Variants in SLC35A3 observed in about 807,000 individuals in gnomAD.
SLC35A3 encodes the protein UDP-N-acetylglucosamine transporter.
Under a neutral mutation model 39.0 loss-of-function variants are expected in SLC35A3, and 26 were observed. That is an observed-to-expected ratio of 0.67 (90% CI 0.49 to 0.92). SLC35A3 has a LOEUF of 0.92. SLC35A3 is among the 40% of genes least tolerant of loss of function. The pLI, the probability that SLC35A3 is intolerant of heterozygous loss-of-function variation, is 0.00. For missense variants in SLC35A3, 299 were observed against 371.6 expected (o/e 0.80, Z 1.61); for synonymous variants, 135 against 133.1 (o/e 1.01, Z -0.10).
At chr1:100,000,006 A>G (rs1330502302) in intron 3 of SLC35A3, among the ~76,000 whole-genome samples, 2 of 152,170 alleles carry the variant, frequency 1.3e-5, no homozygotes, top group Non-Finnish European at 2.9e-5. Flanking sequence ...TTGAGTTCAT[A>G]TCTTAGCTAT....
chr1:100,010,495 C>A (rs1557840751), intron 4 of SLC35A3, among the ~76,000 whole-genome samples: 1 of 152,012 alleles, frequency 6.6e-6, no homozygotes, highest in East Asian at 1.9e-4. Flanking sequence ...GAGTTTGAGA[C>A]CATCCTGGGC....
chr1:99,972,747 C>T (rs1656893557), intron 1 of SLC35A3, among the ~76,000 whole-genome samples: 1 of 152,176 alleles, frequency 6.6e-6, no homozygotes. Flanking sequence ...TATTGTGCTT[C>T]TGGAGACAAG....
At chr1:99,975,274 T>A (rs1238864792) in intron 1 of SLC35A3, among the ~76,000 whole-genome samples, 1 of 152,168 alleles carries the variant, frequency 6.6e-6, no homozygotes, top group African/African-American at 2.4e-5. Context: ...TACACAGAGT[T>A]ATGAAGAGAT....
intron 5 of SLC35A3, among the ~76,000 whole-genome samples, chr1:100,013,064 T>A (rs1229760054): frequency 6.6e-6 from 1 of 152,214 alleles, no homozygotes; most frequent in East Asian, 1.9e-4. Context: ...ACATATTTGC[T>A]ATTATAATCC....
At chr1:100,004,629 TCA>T (rs1238239892) in intron 3 of SLC35A3, among the ~76,000 whole-genome samples, 1 of 152,188 alleles carries the variant, frequency 6.6e-6, no homozygotes, top group Non-Finnish European at 1.5e-5. Flanking sequence ...ATGAATTTTC[TCA>T]GTTTTTCCTT....
chr1:99,995,716 G>A (rs546505549), intron 2 of SLC35A3, among the ~76,000 whole-genome samples: 1 of 152,248 alleles, frequency 6.6e-6, no homozygotes, highest in South Asian at 2.1e-4. Flanking sequence ...TATGCATATG[G>A]AGCTCAAGAA....
rs1050278066 is a variant in SLC35A3, at chr1:99,982,038, T to C, written c.-18-11499T>C. On this transcript the variant is annotated intron_variant, in intron 1 of 7. Transcript: ENST00000533028. ...TTTTTTTTTTGAGACGGAGTCTTGC[T>C]GTGTTGCCCAGGCTGGAGTGCAGTG... 3.3e-5 allele frequency among the ~76,000 whole-genome samples: 5 copies of C among 149,272 alleles called. No homozygotes were observed. The East Asian group carries it at 9.9e-4, about 30-fold the overall frequency.
At chr1:99,973,485 T>G (rs1656931866) in intron 1 of SLC35A3, among the ~76,000 whole-genome samples, 1 of 152,240 alleles carries the variant, frequency 6.6e-6, no homozygotes. Flanking sequence ...ATCTTTTATA[T>G]AAATTCGAGT....
chr1:99,977,437 G>A (rs1657177583), intron 1 of SLC35A3, among the ~76,000 whole-genome samples: 2 of 151,788 alleles, frequency 1.3e-5, no homozygotes, highest in South Asian at 4.2e-4. Context: ...AGCTACTCGG[G>A]AGGCTGAAGC....
chr1:100,005,262 TTTTGACTTTTGGTAG>T (rs1372299609), intron 3 of SLC35A3, among the ~76,000 whole-genome samples: 1 of 152,212 alleles, frequency 6.6e-6, no homozygotes, highest in Non-Finnish European at 1.5e-5. Flanking sequence ...TCTCTTTGAC[TTTTGACTTTTGGTAG>T]TTTGACTTTT....
chr1:99,994,750 T>C lies in SLC35A3; in HGVS notation c.187+1009T>C, dbSNP rs77287281. Among the ~76,000 whole-genome samples the C allele has an allele frequency of 8.6e-3, 1,307 of 152,318 alleles. 11 individuals are homozygous for C. Among genetic ancestry groups the C allele is most frequent in the East Asian group, 0.035 (182 of 5,192 alleles). ...TTGTGAATAATGCTGGAAAGAACAA[T>C]GAGTAATGCTTCAGTAGATGTACAA... On this transcript the variant is annotated intron_variant, in intron 2 of 7. Coordinates refer to ENST00000533028, the MANE Select transcript of SLC35A3 (RefSeq NM_012243.3).
At chr1:99,993,447 C>A in intron 1 of SLC35A3, 90 bp from the exon 2 acceptor site, 1 of 1,019,160 alleles carries the variant, frequency 9.8e-7, no homozygotes, top group Non-Finnish European at 1.4e-6. Flanking sequence ...ACCTGCAGGC[C>A]CTCTCCCTTC....
Position 100,032,626 on chromosome 1 carries a change from A to C in SLC35A3, c.*10150A>C, listed in dbSNP as rs1661302264. ...AGTGGCACGATCTCGGCTCACTGCAACCTCCACCCTCCGGGTTCAAATGAT... is the reference window on the plus strand; with the variant it reads ...AGTGGCACGATCTCGGCTCACTGCACCCTCCACCCTCCGGGTTCAAATGAT... On this transcript the variant is annotated 3_prime_UTR_variant, in exon 8 of 8. Transcript: ENST00000533028. The C allele has an allele frequency of 6.6e-6, 1 of 152,044 alleles. No homozygotes were observed. The highest frequency in any genetic ancestry group is 1.5e-5 in the Non-Finnish European group (1 of 68,002). The allele number at this position is 152,044 out of a possible 1,614,324, so 9.4% of individuals were successfully genotyped here. A position where few individuals can be genotyped will look rare whatever the true frequency, so the allele number is the denominator to read the frequency against.
rs531151922 is a variant in SLC35A3 at position 99,970,582 on chromosome 1, C to T, written c.-19+420C>T. On this transcript the variant is annotated intron_variant, in intron 1 of 7. Coordinates refer to ENST00000533028, the MANE Select transcript of SLC35A3 (RefSeq NM_012243.3). ...GAGCCCTGTGGTAGGCACAGATGCACCCGACCAGCACCTGGAGCTCAAGAA... is the reference window on the plus strand; with the variant it reads ...GAGCCCTGTGGTAGGCACAGATGCATCCGACCAGCACCTGGAGCTCAAGAA... The T allele has an allele frequency of 3.3e-6, 5 of 1,535,896 alleles. No homozygotes were observed. In the African/African-American group the frequency reaches 4.1e-5, roughly 13 times the overall value.
chr1:100,016,821 C>T (rs1660173506), intron 6 of SLC35A3, among the ~76,000 whole-genome samples: 1 of 151,920 alleles, frequency 6.6e-6, no homozygotes, highest in Admixed American at 6.6e-5. Context: ...GAGAAGAAGC[C>T]CCCTTCCCTT....
At position 100,027,050 on chromosome 1, in the gene SLC35A3, CTT is replaced by C. The variant is rs1262036593; in HGVS notation, c.*4576_*4577del. On this transcript the variant is annotated 3_prime_UTR_variant, in exon 8 of 8. Coordinates refer to ENST00000533028, the MANE Select transcript of SLC35A3 (RefSeq NM_012243.3). ...CCTAACCTATGAATTAGTCTTCTCT[CTT>C]TATATATCAAAAATGAATTACTGAT... 1 of 396,928 alleles carries C rather than the reference CTT, an allele frequency of 2.5e-6. No individual in the cohort carries two copies. The highest frequency in any genetic ancestry group is 3.6e-5 in the East Asian group (1 of 28,010). 24.6% of individuals were successfully genotyped at this position (396,928 alleles called of 1,614,324 possible).
Position 100,024,565 on chromosome 1 carries a change from G to T in SLC35A3, c.*2089G>T. On this transcript the variant is annotated 3_prime_UTR_variant, in exon 8 of 8. Transcript: ENST00000533028. ...GACTCCGTCTCAAAAAAAAAAAAAA[G>T]AAAACACACACACACACACACACAC... 1 of 165,520 alleles carries T rather than the reference G, an allele frequency of 6.0e-6. No homozygotes were observed. The highest frequency in any genetic ancestry group is 1.2e-5 in the Non-Finnish European group (1 of 81,718). 10.3% of individuals were successfully genotyped at this position (165,520 alleles called of 1,614,324 possible).
rs1320333319 is a variant in SLC35A3 at position 100,029,873 on chromosome 1, A to C, written c.*7397A>C. The C allele has an allele frequency of 6.6e-6, 1 of 152,172 alleles. No homozygotes were observed. The highest frequency in any genetic ancestry group is 1.5e-5 in the Non-Finnish European group (1 of 68,022). 9.4% of individuals were successfully genotyped at this position (152,172 alleles called of 1,614,324 possible). A position where few individuals can be genotyped will look rare whatever the true frequency, so the allele number is the denominator to read the frequency against. On this transcript the variant is annotated 3_prime_UTR_variant, in exon 8 of 8. Coordinates refer to ENST00000533028, the MANE Select transcript of SLC35A3 (RefSeq NM_012243.3). ...CATATATATATATATAGAGAGAGAG[A>C]GAGCATAGTATTGTCATTTAGTTTT...
chr1:99,975,674 G>A (rs913104170), intron 1 of SLC35A3, among the ~76,000 whole-genome samples: 2 of 152,204 alleles, frequency 1.3e-5, no homozygotes, highest in Admixed American at 6.5e-5. Context: ...AATAGTTTAT[G>A]GCAGGAAATG....
Sources: allele counts gnomAD v4.1 joint callset (sites outside exome capture counted in the v4.1 genomes callset), GRCh38; gene constraint gnomAD v4.1.1; transcripts MANE v1.5; gene names NCBI Gene and HGNC (gene_info 2026-07-23, HGNC 2026-07-21).